GRM7: variants seen among roughly 807,000 people sequenced by gnomAD.
GRM7 encodes the protein metabotropic glutamate receptor 7.
In GRM7, 35 loss-of-function variants were observed where a neutral mutation model predicts 84.5. The observed-to-expected ratio is 0.41, with a 90% CI of 0.32 to 0.55. The LOEUF is 0.55. Among genes scored for constraint, GRM7 ranks in the 20% least tolerant of loss-of-function variants. The pLI is 0.19. For synonymous variants in GRM7, 487 were observed against 455.1 expected (o/e 1.07, Z -0.89); for missense variants, 1,003 against 1,194.6 (o/e 0.84, Z 2.36).
intron 7 of GRM7, among the ~76,000 whole-genome samples, chr3:7,478,566 GCAAT>G (rs1699013031): frequency 6.6e-6 from 1 of 152,170 alleles, no homozygotes; most frequent in African/African-American, 2.4e-5. Flanking sequence ...GAGTTAGGGA[GCAAT>G]CAATGAGTAT....
chr3:7,619,644 C>T (rs555822486), intron 8 of GRM7, among the ~76,000 whole-genome samples: 8 of 151,954 alleles, frequency 5.3e-5, no homozygotes, highest in Non-Finnish European at 1.0e-4. Flanking sequence ...GATCAGTGAA[C>T]GTGGAAGTAT....
At chr3:7,266,544 G>T (rs983835487) in intron 2 of GRM7, among the ~76,000 whole-genome samples, 25 of 152,148 alleles carry the variant, frequency 1.6e-4, no homozygotes, top group African/African-American at 6.0e-4. Context: ...AATGAGCAGT[G>T]CCTGAATACT....
At chr3:7,411,085 C>A (rs1695917106) in intron 4 of GRM7, among the ~76,000 whole-genome samples, 1 of 152,104 alleles carries the variant, frequency 6.6e-6, no homozygotes, top group Admixed American at 6.5e-5. Flanking sequence ...CTCCTTCTCG[C>A]CTTCTCCTGT....
At chr3:7,271,416 G>A (rs1032090704) in intron 2 of GRM7, among the ~76,000 whole-genome samples, 6 of 151,816 alleles carry the variant, frequency 4.0e-5, no homozygotes, top group South Asian at 4.2e-4. Flanking sequence ...AAAATTAGCC[G>A]GGCGTGGTGG....
intron 4 of GRM7, among the ~76,000 whole-genome samples, chr3:7,369,781 G>A (rs1204592423): frequency 6.6e-6 from 1 of 152,150 alleles, no homozygotes; most frequent in Non-Finnish European, 1.5e-5. Context: ...ACACAGAACA[G>A]GTATTCAGTT....
intron 1 of GRM7, among the ~76,000 whole-genome samples, chr3:6,881,250 C>A (rs1695497149): frequency 6.6e-6 from 1 of 152,030 alleles, no homozygotes; most frequent in African/African-American, 2.4e-5. Flanking sequence ...AGGTATTAAG[C>A]CCAGCATGCA....
At chr3:6,989,411 A>G (rs939873052) in intron 1 of GRM7, among the ~76,000 whole-genome samples, 2 of 152,196 alleles carry the variant, frequency 1.3e-5, no homozygotes, top group African/African-American at 4.8e-5. Context: ...CCTTAAGATG[A>G]CATAGTTAGG....
intron 1 of GRM7, among the ~76,000 whole-genome samples, chr3:7,080,768 C>A (rs1490185331): frequency 6.6e-6 from 1 of 151,808 alleles, no homozygotes; most frequent in African/African-American, 2.4e-5. Context: ...ATATGACATA[C>A]ATATATGGCA....
intron 2 of GRM7, among the ~76,000 whole-genome samples, chr3:7,157,743 T>C (rs979409673): frequency 1.3e-5 from 2 of 151,814 alleles, no homozygotes; most frequent in African/African-American, 4.8e-5. Flanking sequence ...AATCCCCAAA[T>C]TCCTCCAAGC....
chr3:7,628,121 A>C (rs938906895), intron 8 of GRM7, among the ~76,000 whole-genome samples: 1 of 152,146 alleles, frequency 6.6e-6, no homozygotes, highest in Non-Finnish European at 1.5e-5. Flanking sequence ...AATCTTTAAA[A>C]AACTTGAGGC....
intron 1 of GRM7, among the ~76,000 whole-genome samples, chr3:6,906,306 A>G (rs1696576640): frequency 6.6e-6 from 1 of 152,166 alleles, no homozygotes; most frequent in African/African-American, 2.4e-5. Context: ...GGAACAAGTT[A>G]CATGCTGAAG....
intron 1 of GRM7, among the ~76,000 whole-genome samples, chr3:7,048,579 C>T (rs1026040118): frequency 6.6e-6 from 1 of 151,670 alleles, no homozygotes; most frequent in Non-Finnish European, 1.5e-5. Flanking sequence ...TTTACTTCCC[C>T]ATTTTTCTCA....
At chr3:7,514,007 G>A (rs1252964313) in intron 7 of GRM7, among the ~76,000 whole-genome samples, 7 of 152,206 alleles carry the variant, frequency 4.6e-5, no homozygotes. Flanking sequence ...CTAACTGTGT[G>A]TACCTTGAGT....
intron 2 of GRM7, among the ~76,000 whole-genome samples, chr3:7,184,235 C>T (rs972811260): frequency 2.9e-4 from 44 of 152,166 alleles, no homozygotes; most frequent in African/African-American, 9.1e-4. Context: ...AAGCTATTCC[C>T]TTCTCCGAAA....
chr3:7,226,840 A>T (rs2124888922), intron 2 of GRM7, among the ~76,000 whole-genome samples: 1 of 152,312 alleles, frequency 6.6e-6, no homozygotes, highest in Non-Finnish European at 1.5e-5. Context: ...ATAAAAATAA[A>T]ACTCTATTTT....
intron 4 of GRM7, among the ~76,000 whole-genome samples, chr3:7,364,281 A>G (rs894116231): frequency 1.3e-5 from 2 of 151,870 alleles, no homozygotes; most frequent in Non-Finnish European, 1.5e-5. Context: ...TTACCCCATT[A>G]AGAATTTTTG....
chr3:7,418,590 C>A (rs921227770), intron 5 of GRM7, among the ~76,000 whole-genome samples: 1 of 152,126 alleles, frequency 6.6e-6, no homozygotes, highest in Non-Finnish European at 1.5e-5. Flanking sequence ...ACCCACAGCC[C>A]ACCAGCTGAG....
At chr3:7,105,241 TC>T in intron 1 of GRM7, among the ~76,000 whole-genome samples, 1 of 151,960 alleles carries the variant, frequency 6.6e-6, no homozygotes, top group Non-Finnish European at 1.5e-5. Flanking sequence ...TTTAAGATGG[TC>T]AAAAAATGTT....
chr3:7,056,709 A>G (rs765466563), intron 1 of GRM7, among the ~76,000 whole-genome samples: 1 of 151,984 alleles, frequency 6.6e-6, no homozygotes, highest in Non-Finnish European at 1.5e-5. Flanking sequence ...TATGTTTGCC[A>G]CATTACCTAT....
Sources: gnomAD v4.1 joint callset for allele counts (sites outside exome capture counted in the v4.1 genomes callset) on GRCh38, gnomAD v4.1.1 for gene constraint, MANE v1.5 for transcripts, NCBI Gene and HGNC (gene_info 2026-07-23, HGNC 2026-07-21) for gene names.